The following FXYD5 variants were observed in gnomAD, a reference collection of about 807,000 sequenced individuals.
The protein encoded by FXYD5 is FXYD domain containing ion transport regulator 5.
Under a neutral mutation model 25.7 loss-of-function variants are expected in FXYD5, and 21 were observed. That is an observed-to-expected ratio of 0.82 (90% confidence interval 0.58 to 1.18). The LOEUF is 1.18. Ranked by LOEUF, FXYD5 falls within the 50% of genes most tolerant of loss-of-function variation. The probability of loss-of-function intolerance (pLI) is 0.00; values close to 1 mark genes in which losing one functional copy is unlikely to be tolerated. For missense variants in FXYD5, 229 were observed against 227.7 expected (o/e 1.01, Z -0.04); for synonymous variants, 101 against 90.7 (o/e 1.11, Z -0.64).
chr19:35,161,636 C>G (rs2065407011), intron 5 of FXYD5, among the ~76,000 whole-genome samples: 1 of 152,190 alleles, frequency 6.6e-6, no homozygotes. Flanking sequence ...CATGCCTGAA[C>G]CACATAGACC....
In FXYD5 at chr19:35,164,173, A is replaced by C. The variant is rs1238625442; in HGVS notation, c.310A>C (p.Thr104Pro). The change falls in exon 6 of 9, where the codon ACC becomes CCC. Residue 104 changes from threonine to proline, a missense_variant. By Grantham distance (38) the Thr-to-Pro change is conservative (BLOSUM62 -1). Coordinates refer to ENST00000392219, the MANE Select transcript of FXYD5 (RefSeq NM_014164.6). ...TCTCTCAGCTCATCCCACTGATGAC[A>C]CCACGACGCTCTCTGAGAGACCATC... ...STKAAHPTDD[T>P]TTLSERPSPS... 5.0e-6 allele frequency: 8 copies of C among 1,612,704 alleles called. 1 individual carries two copies. In the South Asian group the frequency reaches 8.8e-5, roughly 18 times the overall value.
intron 5 of FXYD5, among the ~76,000 whole-genome samples, chr19:35,163,729 G>C (rs1017707660): frequency 6.6e-6 from 1 of 152,012 alleles, no homozygotes; most frequent in Non-Finnish European, 1.5e-5. Flanking sequence ...TGATCTGCCC[G>C]CCTCAGTCTC....
At chr19:35,164,450 C>A (rs981645363) in intron 6 of FXYD5, among the ~76,000 whole-genome samples, 3 of 152,196 alleles carry the variant, frequency 2.0e-5, no homozygotes, top group African/African-American at 7.2e-5. Context: ...ATACAAACCA[C>A]CTAAAAACTC....
At position 35,159,420 on chromosome 19, in the gene FXYD5, G is replaced by C. The variant is rs1351099796; in HGVS notation, c.199+1020G>C. ...AGACCTTATGATTGTTCTGCAGCTTGCTTTGTTTCTTCGTGCAGTCGTATG... is the reference window on the plus strand; with the variant it reads ...AGACCTTATGATTGTTCTGCAGCTTCCTTTGTTTCTTCGTGCAGTCGTATG... On this transcript the variant is annotated intron_variant, in intron 4 of 8. Coordinates refer to ENST00000392219, the MANE Select transcript of FXYD5 (RefSeq NM_014164.6). 10 of 1,486,970 alleles carry C rather than the reference G, an allele frequency of 6.7e-6. No individual in the cohort carries two copies. In the East Asian group the frequency reaches 7.4e-5, roughly 11 times the overall value. The allele number at this position is 1,486,970 out of a possible 1,614,324, so 92.1% of individuals were successfully genotyped here.
At chr19:35,157,698 C>G (rs1308359661) in intron 3 of FXYD5, 197 bp downstream of exon 3, 1 of 461,536 alleles carries the variant, frequency 2.2e-6, no homozygotes, top group Non-Finnish European at 3.9e-6. Context: ...GTTCTGTTTT[C>G]TCTGTGTTGG....
intron 2 of FXYD5, among the ~76,000 whole-genome samples, chr19:35,156,126 T>C (rs9917004): frequency 0.033 from 4,990 of 152,252 alleles, 271 homozygotes; most frequent in African/African-American, 0.11. Flanking sequence ...GCTTTGCCTC[T>C]GACAGTCAGT....
At chr19:35,155,754 A>T (rs1420009386) in intron 2 of FXYD5, 143 bp downstream of exon 2, 1 of 702,574 alleles carries the variant, frequency 1.4e-6, no homozygotes, top group Non-Finnish European at 2.5e-6. Context: ...GGAAGTGGGG[A>T]TCCCTATGGC....
chr19:35,160,727 C>T lies in FXYD5; in HGVS notation c.218C>T (p.Thr73Ile). The T allele has an allele frequency of 6.2e-7, 1 of 1,613,178 alleles. No homozygotes were observed. The highest frequency in any genetic ancestry group is 1.1e-5 in the South Asian group (1 of 91,066). Reference protein sequence around the residue: ...WPADETPQPQTQTQQLEGTDG... With the variant: ...WPADETPQPQIQTQQLEGTDG... ...TGAATAGAAACACCACAACCCCAGA[C>T]CCAGACCCAGCAACTGGAAGGAACG... The change falls in exon 5 of 9, where the codon ACC (threonine) becomes ATC (isoleucine). Residue 73 changes from threonine (T) to isoleucine (I), a missense_variant. Transcript: ENST00000392219.
At chr19:35,156,342 ATATT>A (rs2065355455) in intron 2 of FXYD5, among the ~76,000 whole-genome samples, 1 of 152,238 alleles carries the variant, frequency 6.6e-6, no homozygotes, top group Non-Finnish European at 1.5e-5. Flanking sequence ...CATTTGACAA[ATATT>A]TATTGAGCAC....
At chr19:35,160,857 G>A in intron 5 of FXYD5, 56 bp downstream of exon 5, 5 of 1,038,912 alleles carry the variant, frequency 4.8e-6, no homozygotes, top group Non-Finnish European at 7.6e-6. Flanking sequence ...TCTCTATCTA[G>A]GTCAACATTT....
intron 6 of FXYD5, among the ~76,000 whole-genome samples, chr19:35,165,121 C>T (rs571452751): frequency 3.2e-4 from 48 of 152,170 alleles, no homozygotes; most frequent in Admixed American, 1.6e-3. Flanking sequence ...AAAGGGGTTC[C>T]GATCCAGACC....
intron 4 of FXYD5, among the ~76,000 whole-genome samples, chr19:35,159,002 C>T (rs989520701): frequency 1.3e-4 from 20 of 151,982 alleles, no homozygotes; most frequent in African/African-American, 4.8e-4. Context: ...TTGGCGTGCT[C>T]CTGTAGTCCC....
chr19:35,166,472 G>A, intron 8 of FXYD5, 147 bp downstream of exon 8: 1 of 590,340 alleles, frequency 1.7e-6, no homozygotes, highest in Non-Finnish European at 3.0e-6. Context: ...ACAGAATTCA[G>A]TGGTTTAAAA....
intron 3 of FXYD5, 147 bp from the exon 4 acceptor site, chr19:35,158,197 G>T: frequency 3.1e-6 from 2 of 654,122 alleles, no homozygotes. Flanking sequence ...CATTTCGGCA[G>T]TTAGCAAATG....
At chr19:35,164,074 C>T (rs750977445) in intron 5 of FXYD5, 82 bp from the exon 6 acceptor site, 8 of 1,603,120 alleles carry the variant, frequency 5.0e-6, no homozygotes, top group Non-Finnish European at 6.8e-6. Flanking sequence ...GGGTTTCTTC[C>T]AGATGCAGAC....
At position 35,157,355 on chromosome 19, in the gene FXYD5, G is replaced by A. The variant is rs376417756; in HGVS notation, c.62-66G>A. On this transcript the variant is annotated intron_variant, in intron 2 of 8. Transcript: ENST00000392219. ...ACCCCTAAGGTTTCACCAGGGAGGC[G>A]AGGGCGGGGGTGGTGAGAGGAGGGG... 1.1e-3 allele frequency: 873 copies of A among 814,174 alleles called. 18 individuals are homozygous for A. Among genetic ancestry groups the A allele is most frequent in the South Asian group, 9.1e-3 (653 of 71,584 alleles). 50.4% of individuals were successfully genotyped at this position (814,174 alleles called of 1,614,324 possible). A position where few individuals can be genotyped will look rare whatever the true frequency, so the allele number is the denominator to read the frequency against.
Position 35,166,235 on chromosome 19 carries a change from A to AT in FXYD5, c.413-11dup. 1.2e-6 allele frequency: 2 copies of AT among 1,612,144 alleles called. No homozygotes were observed. The highest frequency in any genetic ancestry group is 1.7e-4 in the Middle Eastern group (1 of 6,056). On this transcript the variant is annotated splice_polypyrimidine_tract_variant and intron_variant, in intron 7 of 8. Transcript: ENST00000392219. ...GAGGTCCGTCTGACTCTACCCCTTC[A>AT]TTTTTCTCTCTGCAGATGAACACAC...
chr19:35,163,956 G>C lies in FXYD5; in HGVS notation c.293-200G>C, dbSNP rs2065428158. On this transcript the variant is annotated intron_variant, in intron 5 of 8. Coordinates refer to ENST00000392219, the MANE Select transcript of FXYD5 (RefSeq NM_014164.6). ...GGCAGATCAGATAGTCGCAACCGGGGCTATGTGCTTATTTCAGCATTTCAA... is the reference window on the plus strand; with the variant it reads ...GGCAGATCAGATAGTCGCAACCGGGCCTATGTGCTTATTTCAGCATTTCAA... The C allele has an allele frequency of 3.4e-6, 5 of 1,458,480 alleles. No individual in the cohort carries two copies. In the Admixed American group the frequency reaches 1.3e-4, roughly 37 times the overall value. 90.3% of individuals were successfully genotyped at this position (1,458,480 alleles called of 1,614,324 possible). A position where few individuals can be genotyped will look rare whatever the true frequency, so the allele number is the denominator to read the frequency against.
At chr19:35,163,248 G>A (rs184211293) in intron 5 of FXYD5, among the ~76,000 whole-genome samples, 1 of 152,282 alleles carries the variant, frequency 6.6e-6, no homozygotes, top group East Asian at 1.9e-4. Flanking sequence ...ATCCTTGGTT[G>A]CCAGTTCCTA....
Sources: allele counts gnomAD v4.1 joint callset (sites outside exome capture counted in the v4.1 genomes callset), GRCh38; gene constraint gnomAD v4.1.1; transcripts MANE v1.5; gene names NCBI Gene and HGNC (gene_info 2026-07-23, HGNC 2026-07-21).